The following HACD3 variants were observed in gnomAD, a reference collection of about 807,000 sequenced individuals.
The protein encoded by HACD3 is 3-hydroxyacyl-CoA dehydratase 3, also known as very-long-chain (3R)-3-hydroxyacyl-CoA dehydratase 3.
In HACD3, 30 loss-of-function variants were observed where a neutral mutation model predicts 55.2. The ratio of observed to expected loss-of-function variants is 0.54; its 90% CI spans 0.41 to 0.74. The LOEUF (loss-of-function observed/expected upper bound fraction) is 0.74, where lower values mean the gene tolerates loss of function less well. HACD3 is among the 30% of genes least tolerant of loss of function. HACD3 has a pLI of 0.00. For synonymous variants in HACD3, 141 were observed against 151.7 expected (o/e 0.93, Z 0.52); for missense variants, 363 against 440.1 (o/e 0.82, Z 1.57).
intron 1 of HACD3, among the ~76,000 whole-genome samples, chr15:65,537,426 A>G (rs1363183006): frequency 6.6e-6 from 1 of 152,052 alleles, no homozygotes; most frequent in Non-Finnish European, 1.5e-5. Flanking sequence ...GTTAGGGGCT[A>G]ATGCAGCTGG....
At chr15:65,554,858 T>C (rs766433373) in intron 2 of HACD3, 29 bp from the exon 3 acceptor site, 19 of 1,555,220 alleles carry the variant, frequency 1.2e-5, no homozygotes, top group Non-Finnish European at 1.7e-5. Context: ...TGCTCAAGTT[T>C]GCAGTAACCC....
intron 2 of HACD3, among the ~76,000 whole-genome samples, chr15:65,553,949 T>C (rs1442556521): frequency 2.6e-5 from 4 of 152,214 alleles, no homozygotes; most frequent in Non-Finnish European, 5.9e-5. Context: ...GGCATAGGGA[T>C]GGGGCATTGG....
In HACD3 at chr15:65,578,322, A is replaced by G. The variant is rs1272231552; in HGVS notation, c.*1943A>G. 6.6e-6 allele frequency: 1 copy of G among 152,218 alleles called. No homozygotes were observed. Among genetic ancestry groups the G allele is most frequent in the Non-Finnish European group, 1.5e-5 (1 of 68,040 alleles). The allele number at this position is 152,218 out of a possible 1,614,324, so 9.4% of individuals were successfully genotyped here. ...TGTCTGAGAAAGTGAAAGATTGTGT[A>G]TTTCTATTAAAACATTTACAATCAA... On this transcript the variant is annotated 3_prime_UTR_variant, in exon 11 of 11. Transcript: ENST00000261875.
At chr15:65,563,644 G>C (rs2072264074) in intron 6 of HACD3, among the ~76,000 whole-genome samples, 1 of 152,094 alleles carries the variant, frequency 6.6e-6, no homozygotes, top group African/African-American at 2.4e-5. Flanking sequence ...ACTCTAGACT[G>C]GGTGATGGAG....
chr15:65,534,080 G>T (rs1056398636), intron 1 of HACD3, among the ~76,000 whole-genome samples: 1 of 152,056 alleles, frequency 6.6e-6, no homozygotes, highest in African/African-American at 2.4e-5. Flanking sequence ...AGAAACCAGT[G>T]GTTCTGGCTC....
At chr15:65,543,344 A>T (rs952140791) in intron 1 of HACD3, among the ~76,000 whole-genome samples, 6 of 151,814 alleles carry the variant, frequency 4.0e-5, no homozygotes, top group African/African-American at 1.2e-4. Flanking sequence ...CTTTTTTTTT[A>T]AATTGAATAC....
chr15:65,567,626 A>G (rs1407080979), intron 7 of HACD3, among the ~76,000 whole-genome samples: 1 of 152,220 alleles, frequency 6.6e-6, no homozygotes, highest in Non-Finnish European at 1.5e-5. Flanking sequence ...TTCGATAACT[A>G]AAATGTGCAA....
intron 1 of HACD3, among the ~76,000 whole-genome samples, chr15:65,545,560 C>T (rs1275849118): frequency 6.6e-6 from 1 of 151,716 alleles, no homozygotes; most frequent in African/African-American, 2.4e-5. Flanking sequence ...TCTCCTGCCT[C>T]AGCCTCCTGA....
chr15:65,533,852 C>G (rs986469809), intron 1 of HACD3, among the ~76,000 whole-genome samples: 8 of 151,662 alleles, frequency 5.3e-5, no homozygotes, highest in Non-Finnish European at 8.8e-5. Flanking sequence ...GAGATCGAGA[C>G]CATCCTGGCT....
Position 65,562,802 on chromosome 15 carries a change from G to C in HACD3, c.450G>C (p.Leu150=). Residue 150 remains leucine (L), a synonymous_variant, in exon 6 of 11, where the codon CTG becomes CTC. Coordinates refer to ENST00000261875, the MANE Select transcript of HACD3 (RefSeq NM_016395.4). ...TTACAAACTTAAGGAAAGGATACCT[G>C]TTTATGTATAATCTTGTGCAATTCT... is the stretch of plus-strand genomic sequence containing the variant. ...ETLTNLRKGY[L]FMYNLVQFLG... 6.2e-7 allele frequency: 1 copy of C among 1,613,862 alleles called. No individual in the cohort carries two copies. Among genetic ancestry groups the C allele is most frequent in the African/African-American group, 1.3e-5 (1 of 75,026 alleles).
chr15:65,573,520 A>G (rs2072371976), intron 10 of HACD3, among the ~76,000 whole-genome samples: 1 of 152,012 alleles, frequency 6.6e-6, no homozygotes, highest in African/African-American at 2.4e-5. Context: ...AGGCAGGAGA[A>G]TCGCTTGAAC....
At chr15:65,563,581 A>T (rs1462265987) in intron 6 of HACD3, among the ~76,000 whole-genome samples, 1 of 152,188 alleles carries the variant, frequency 6.6e-6, no homozygotes, top group Admixed American at 6.5e-5. Flanking sequence ...AAGTGGAAGG[A>T]TCTCTTGCGC....
chr15:65,537,130 G>C (rs1347738293), intron 1 of HACD3, among the ~76,000 whole-genome samples: 2 of 152,172 alleles, frequency 1.3e-5, no homozygotes, highest in Middle Eastern at 3.2e-3. Context: ...TGAGAGGTGA[G>C]GAAGCTGCAG....
At chr15:65,557,892 C>T (rs1397154257) in intron 4 of HACD3, among the ~76,000 whole-genome samples, 1 of 148,994 alleles carries the variant, frequency 6.7e-6, no homozygotes, top group Non-Finnish European at 1.5e-5. Flanking sequence ...GCCCATCTTT[C>T]ATTTGGCTTT....
intron 1 of HACD3, among the ~76,000 whole-genome samples, chr15:65,547,403 C>T (rs929648476): frequency 6.6e-6 from 1 of 152,248 alleles, no homozygotes; most frequent in African/African-American, 2.4e-5. Context: ...GCATGAGCCA[C>T]CGCGCCCGGC....
Position 65,576,557 on chromosome 15 carries a change from A to G in HACD3, c.*178A>G. Reference sequence around the variant, plus strand: ...ACTGTTATCTTATTGTAGTACTTGCATGACATGGATTCCTGATATCTGATG... The same window carrying G: ...ACTGTTATCTTATTGTAGTACTTGCGTGACATGGATTCCTGATATCTGATG... On this transcript the variant is annotated 3_prime_UTR_variant, in exon 11 of 11. Transcript: ENST00000261875. 1.5e-6 allele frequency: 1 copy of G among 677,126 alleles called. No homozygotes were observed. Among genetic ancestry groups the G allele is most frequent in the South Asian group, 2.0e-5 (1 of 49,866 alleles). 41.9% of individuals were successfully genotyped at this position (677,126 alleles called of 1,614,324 possible). A position where few individuals can be genotyped will look rare whatever the true frequency, so the allele number is the denominator to read the frequency against.
Position 65,572,234 on chromosome 15 carries a change from G to T in HACD3, c.881-1G>T. 6.2e-7 allele frequency: 1 copy of T among 1,611,678 alleles called. No homozygotes were observed. Among genetic ancestry groups the T allele is most frequent in the South Asian group, 1.1e-5 (1 of 90,150 alleles). On this transcript the variant is annotated splice_acceptor_variant, in intron 9 of 10. Coordinates refer to ENST00000261875, the MANE Select transcript of HACD3 (RefSeq NM_016395.4). LOFTEE classifies it high-confidence loss of function. ...TAACAAGTTCTTGTTTCTGTTTTCA[G>T]CTGTCTCAGTGATTCAGTCCATTCC...
intron 1 of HACD3, among the ~76,000 whole-genome samples, chr15:65,548,559 G>A (rs777432924): frequency 4.7e-5 from 7 of 149,570 alleles, no homozygotes; most frequent in African/African-American, 1.5e-4. Context: ...GAAAATTTTC[G>A]TATTCCCTTT....
intron 4 of HACD3, 28 bp downstream of exon 4, chr15:65,556,931 T>C: frequency 1.3e-6 from 2 of 1,590,416 alleles, no homozygotes; most frequent in Non-Finnish European, 1.7e-6. Context: ...GATCTAGCCA[T>C]TGAGGACAAA....
Sources: gnomAD v4.1 joint callset for allele counts (sites outside exome capture counted in the v4.1 genomes callset) on GRCh38, gnomAD v4.1.1 for gene constraint, MANE v1.5 for transcripts, NCBI Gene and HGNC (gene_info 2026-07-23, HGNC 2026-07-21) for gene names.